The following FBXL17 variants were observed in gnomAD, a reference collection of about 807,000 sequenced individuals.
The protein encoded by FBXL17 is F-box and leucine rich repeat protein 17.
Under a neutral mutation model 66.2 loss-of-function variants are expected in FBXL17, and 22 were observed. The ratio of observed to expected loss-of-function variants is 0.33; its 90% CI spans 0.24 to 0.47. FBXL17 has a LOEUF of 0.47. Ranked by LOEUF, FBXL17 falls within the 20% of genes least tolerant of loss-of-function variation. The pLI is 1.00. For synonymous variants in FBXL17, 474 were observed against 400.5 expected, an observed-to-expected ratio of 1.18 and a Z score of -2.19; for missense variants, 878 against 948.2, an observed-to-expected ratio of 0.93 and a Z score of 0.97.
At chr5:108,349,332 G>A (rs1747495104) in intron 3 of FBXL17, among the ~76,000 whole-genome samples, 1 of 152,100 alleles carries the variant, frequency 6.6e-6, no homozygotes, top group Admixed American at 6.5e-5. Flanking sequence ...ATACCAAGGT[G>A]TTCACAGTGG....
At chr5:108,348,275 G>T (rs1338319600) in intron 4 of FBXL17, 124 bp downstream of exon 4, 4 of 773,038 alleles carry the variant, frequency 5.2e-6, no homozygotes, top group Non-Finnish European at 5.9e-6. Context: ...AAGGATTTTT[G>T]CTTTTGATTA....
intron 7 of FBXL17, among the ~76,000 whole-genome samples, chr5:107,971,832 T>G (rs1430666251): frequency 6.6e-6 from 1 of 152,180 alleles, no homozygotes; most frequent in Non-Finnish European, 1.5e-5. Flanking sequence ...TCAGCTCACA[T>G]GCCATCTCCC....
At chr5:107,897,993 T>C (rs1749439228) in intron 7 of FBXL17, among the ~76,000 whole-genome samples, 1 of 152,096 alleles carries the variant, frequency 6.6e-6, no homozygotes. Context: ...ATTCAAGAAC[T>C]AATAGACACT....
intron 4 of FBXL17, among the ~76,000 whole-genome samples, chr5:108,262,455 C>A (rs1756878223): frequency 6.6e-6 from 1 of 152,064 alleles, no homozygotes; most frequent in Non-Finnish European, 1.5e-5. Flanking sequence ...GAAATAGAGA[C>A]CTTGAATATG....
At chr5:108,348,836 A>G (rs1747456225) in intron 3 of FBXL17, among the ~76,000 whole-genome samples, 1 of 152,162 alleles carries the variant, frequency 6.6e-6, no homozygotes, top group African/African-American at 2.4e-5. Context: ...ACAGGGTCTC[A>G]CTGTGTCGCC....
At chr5:108,047,850 T>G (rs1219673733) in intron 6 of FBXL17, among the ~76,000 whole-genome samples, 1 of 152,160 alleles carries the variant, frequency 6.6e-6, no homozygotes, top group Non-Finnish European at 1.5e-5. Context: ...ACCAGCAGAC[T>G]TAACCTTTCC....
At chr5:108,166,062 C>T (rs1752403290) in intron 6 of FBXL17, among the ~76,000 whole-genome samples, 1 of 152,164 alleles carries the variant, frequency 6.6e-6, no homozygotes, top group African/African-American at 2.4e-5. Flanking sequence ...TCCCTTATAA[C>T]ATTTCACTTT....
intron 4 of FBXL17, among the ~76,000 whole-genome samples, chr5:108,244,007 A>C (rs1755979847): frequency 6.6e-6 from 1 of 152,160 alleles, no homozygotes; most frequent in Non-Finnish European, 1.5e-5. Flanking sequence ...CAGCTATGAT[A>C]AAGGCAATGT....
intron 4 of FBXL17, among the ~76,000 whole-genome samples, chr5:108,340,992 T>C (rs191526110): frequency 6.6e-6 from 1 of 152,296 alleles, no homozygotes; most frequent in African/African-American, 2.4e-5. Flanking sequence ...TACCATATTG[T>C]ATATACTTCT....
At chr5:108,094,584 C>T (rs1749301976) in intron 6 of FBXL17, among the ~76,000 whole-genome samples, 1 of 152,058 alleles carries the variant, frequency 6.6e-6, no homozygotes, top group African/African-American at 2.4e-5. Flanking sequence ...TACAACTTCC[C>T]CATTCATGTA....
rs143966636 is a variant in FBXL17 at position 108,105,894 on chromosome 5, G to T, written c.1745+80223C>A. Among the ~76,000 whole-genome samples the T allele has an allele frequency of 1.2e-4, 19 of 152,272 alleles. 1 individual carries two copies. Among genetic ancestry groups the T allele is most frequent in the South Asian group, 6.2e-4 (3 of 4,818 alleles). ...ATTTACTTAAGAAATATGCATCAAA[G>T]AGAGAGTAAAACGGAGGGAGACTGA... On this transcript the variant is annotated intron_variant, in intron 6 of 8. Coordinates refer to ENST00000542267, the MANE Select transcript of FBXL17 (RefSeq NM_001163315.3).
chr5:108,131,322 G>C (rs1165919046), intron 6 of FBXL17, among the ~76,000 whole-genome samples: 1 of 152,110 alleles, frequency 6.6e-6, no homozygotes, highest in Non-Finnish European at 1.5e-5. Flanking sequence ...TGCTATAAGA[G>C]TGATTTGTGA....
intron 4 of FBXL17, among the ~76,000 whole-genome samples, chr5:108,284,828 G>A (rs1757835847): frequency 6.6e-6 from 1 of 151,856 alleles, no homozygotes; most frequent in Non-Finnish European, 1.5e-5. Flanking sequence ...GGCTGCTGAA[G>A]CTTGGGGTGG....
intron 4 of FBXL17, among the ~76,000 whole-genome samples, chr5:108,225,585 G>C (rs1755066630): frequency 6.6e-6 from 1 of 152,146 alleles, no homozygotes; most frequent in Admixed American, 6.5e-5. Context: ...CAAGAGGCCT[G>C]GAACAGATCC....
chr5:108,226,987 TGG>T (rs1473877367), intron 4 of FBXL17, among the ~76,000 whole-genome samples: 17 of 152,270 alleles, frequency 1.1e-4, no homozygotes, highest in Admixed American at 7.8e-4. Flanking sequence ...GATTGACAAA[TGG>T]AGATCTTGGA....
intron 7 of FBXL17, among the ~76,000 whole-genome samples, chr5:107,946,170 C>G (rs546785824): frequency 6.8e-6 from 1 of 147,444 alleles, no homozygotes; most frequent in Non-Finnish European, 1.5e-5. Context: ...GCTACAACCC[C>G]AGACATATGA....
intron 5 of FBXL17, among the ~76,000 whole-genome samples, chr5:108,192,843 A>C (rs574902623): frequency 1.3e-5 from 2 of 152,210 alleles, no homozygotes; most frequent in South Asian, 4.1e-4. Context: ...ATGGCTTCCA[A>C]ATTTTCTTAA....
chr5:108,083,575 T>TC (rs1276282294), intron 6 of FBXL17, among the ~76,000 whole-genome samples: 1 of 151,236 alleles, frequency 6.6e-6, no homozygotes, highest in Admixed American at 6.6e-5. Flanking sequence ...TGGCTAATTT[T>TC]TTTTTTTTTT....
At chr5:108,263,459 T>C (rs1756918729) in intron 4 of FBXL17, among the ~76,000 whole-genome samples, 1 of 152,178 alleles carries the variant, frequency 6.6e-6, no homozygotes, top group Admixed American at 6.6e-5. Context: ...CTATAAACCC[T>C]AATGGGTCCA....
Sources: gnomAD v4.1 joint callset for allele counts (sites outside exome capture counted in the v4.1 genomes callset) on GRCh38, gnomAD v4.1.1 for gene constraint, MANE v1.5 for transcripts, NCBI Gene and HGNC (gene_info 2026-07-23, HGNC 2026-07-21) for gene names.